Variants in PTPDC1 observed in about 807,000 individuals in gnomAD.
The protein encoded by PTPDC1 is protein tyrosine phosphatase domain containing 1, also known as protein tyrosine phosphatase domain-containing protein 1.
A neutral mutation model predicts 75.3 loss-of-function variants in PTPDC1; 53 were observed. That is an observed-to-expected ratio of 0.70 (90% CI 0.56 to 0.88). The LOEUF is 0.88. PTPDC1 is among the 40% of genes least tolerant of loss of function. The pLI is 0.00. For missense variants in PTPDC1, 925 were observed against 998.6 expected (o/e 0.93, Z 0.99); for synonymous variants, 349 against 366.2 (o/e 0.95, Z 0.54).
chr9:94,050,033 T>C (rs1008536973), intron 1 of PTPDC1, among the ~76,000 whole-genome samples: 2 of 152,212 alleles, frequency 1.3e-5, no homozygotes, highest in African/African-American at 4.8e-5. Context: ...GCATTTGTCA[T>C]GTAGTTCTCG....
At chr9:94,053,228 A>C (rs374261139) in intron 1 of PTPDC1, among the ~76,000 whole-genome samples, 1 of 152,084 alleles carries the variant, frequency 6.6e-6, no homozygotes, top group African/African-American at 2.4e-5. Context: ...AAACTACCAG[A>C]TATAACACAT....
intron 4 of PTPDC1, among the ~76,000 whole-genome samples, chr9:94,094,672 C>G (rs1019828047): frequency 5.9e-5 from 9 of 152,244 alleles, no homozygotes; most frequent in Non-Finnish European, 1.2e-4. Context: ...ACCCCTCCCC[C>G]AGCCTTGCTG....
Position 94,108,117 on chromosome 9 carries a change from A to G in PTPDC1, c.*173A>G. ...TTGAACCAATTATTTATTTTAAAAT[A>G]TATTTAAGCTACATTTTTGTTTTGA... On this transcript the variant is annotated 3_prime_UTR_variant, in exon 9 of 9. Coordinates refer to ENST00000620992, the MANE Select transcript of PTPDC1 (RefSeq NM_001253829.2). The G allele has an allele frequency of 2.6e-6, 1 of 384,710 alleles. No homozygotes were observed. The highest frequency in any genetic ancestry group is 4.7e-6 in the Non-Finnish European group (1 of 214,458). The allele number at this position is 384,710 out of a possible 1,614,324, so 23.8% of individuals were successfully genotyped here. A position where few individuals can be genotyped will look rare whatever the true frequency, so the allele number is the denominator to read the frequency against.
At chr9:94,084,451 G>A (rs939710703), upstream of PTPDC1, 53 of 1,570,714 alleles carry the variant, frequency 3.4e-5, no homozygotes, top group Non-Finnish European at 4.3e-5. Flanking sequence ...ACGATGCAAT[G>A]CTCCCTGCTC....
chr9:94,069,968 G>T (rs1243843390), intron 2 of PTPDC1, among the ~76,000 whole-genome samples: 1 of 151,928 alleles, frequency 6.6e-6, no homozygotes, highest in Non-Finnish European at 1.5e-5. Context: ...GGGACTACAG[G>T]CGCCCGCCAC....
chr9:94,056,944 A>C (rs1825958824), intron 1 of PTPDC1, among the ~76,000 whole-genome samples: 1 of 152,262 alleles, frequency 6.6e-6, no homozygotes, highest in African/African-American at 2.4e-5. Context: ...AACAGGAAAT[A>C]GAAATAAATA....
At position 94,097,609 on chromosome 9, in the gene PTPDC1, A is replaced by C; in HGVS notation, c.1043A>C (p.Lys348Thr). ...HVPKIIHLVC[K>T]LLLDLAENRP... is the part of the protein sequence containing the mutation. ...CCAAAAATTATCCACCTAGTTTGCA[A>C]ATTGCTGCTGGACTTAGCGGAGAAC... The change falls in exon 6 of 9, where the codon AAA becomes ACA. Residue 348 changes from lysine to threonine, a missense_variant. By Grantham distance (78) the Lys-to-Thr change is moderately conservative (BLOSUM62 -1). Coordinates refer to ENST00000620992, the MANE Select transcript of PTPDC1 (RefSeq NM_001253829.2). 4.3e-6 allele frequency: 7 copies of C among 1,613,982 alleles called. No individual in the cohort carries two copies. Among genetic ancestry groups the C allele is most frequent in the South Asian group, 1.1e-5 (1 of 91,084 alleles).
chr9:94,040,027 A>T (rs1010467326), intron 1 of PTPDC1, among the ~76,000 whole-genome samples: 2 of 152,202 alleles, frequency 1.3e-5, no homozygotes, highest in African/African-American at 4.8e-5. Context: ...TGAACAAAGG[A>T]GGTACTTATA....
At chr9:94,099,404 T>A (rs1827753837) in intron 6 of PTPDC1, among the ~76,000 whole-genome samples, 1 of 152,190 alleles carries the variant, frequency 6.6e-6, no homozygotes, top group Non-Finnish European at 1.5e-5. Flanking sequence ...TTTGAGCCCA[T>A]AACCTACTGT....
At chr9:94,033,637 G>A (rs925697572) in intron 1 of PTPDC1, among the ~76,000 whole-genome samples, 2 of 152,156 alleles carry the variant, frequency 1.3e-5, no homozygotes, top group Non-Finnish European at 2.9e-5. Context: ...CATGTGTAAA[G>A]CCCTAGTAGA....
chr9:94,038,425 A>G (rs1825338727), intron 1 of PTPDC1: 1 of 344,882 alleles, frequency 2.9e-6, no homozygotes, highest in African/African-American at 2.2e-5. Flanking sequence ...CTCATACACC[A>G]GAATTCAGAT....
chr9:94,062,561 A>C (rs896667482), intron 1 of PTPDC1, among the ~76,000 whole-genome samples: 1 of 152,264 alleles, frequency 6.6e-6, no homozygotes, highest in African/African-American at 2.4e-5. Flanking sequence ...TGCAGGAAGC[A>C]TGGCAGCATC....
At chr9:94,066,023 G>A (rs1314596657) in intron 2 of PTPDC1, among the ~76,000 whole-genome samples, 1 of 152,032 alleles carries the variant, frequency 6.6e-6, no homozygotes, top group African/African-American at 2.4e-5. Context: ...TTTCTCAATG[G>A]CAATTCTGTT....
chr9:94,108,331 T>C lies in PTPDC1; in HGVS notation c.*387T>C, dbSNP rs1828093618. ...CTTCCTAGAGTTTTTACCAAATAGC[T>C]AACTTTAGTAGTAAAACCTCATTGT... On this transcript the variant is annotated 3_prime_UTR_variant, in exon 9 of 9. Coordinates refer to ENST00000620992, the MANE Select transcript of PTPDC1 (RefSeq NM_001253829.2). The C allele has an allele frequency of 3.3e-5, 5 of 153,608 alleles. No individual in the cohort carries two copies. Among genetic ancestry groups the C allele is most frequent in the African/African-American group, 1.2e-4 (5 of 41,512 alleles). 9.5% of individuals were successfully genotyped at this position (153,608 alleles called of 1,614,324 possible). A position where few individuals can be genotyped will look rare whatever the true frequency, so the allele number is the denominator to read the frequency against.
intron 8 of PTPDC1, among the ~76,000 whole-genome samples, chr9:94,105,541 G>A (rs980512018): frequency 6.6e-5 from 10 of 151,898 alleles, no homozygotes; most frequent in Middle Eastern, 3.4e-3. Flanking sequence ...GGTGGTGTGC[G>A]CCTGCAGTCC....
chr9:94,037,788 A>G (rs987267331), intron 1 of PTPDC1, among the ~76,000 whole-genome samples: 2 of 151,978 alleles, frequency 1.3e-5, no homozygotes, highest in East Asian at 3.9e-4. Context: ...CGAGGGTTCT[A>G]TTGGGGAAGT....
upstream of PTPDC1, among the ~76,000 whole-genome samples, chr9:94,082,313 AT>A (rs1826910448): frequency 6.6e-6 from 1 of 152,232 alleles, no homozygotes; most frequent in Non-Finnish European, 1.5e-5. Flanking sequence ...CACCCACTGC[AT>A]TCTCAGCCTA....
intron 1 of PTPDC1, chr9:94,038,088 C>T: frequency 3.7e-6 from 2 of 547,578 alleles, no homozygotes; most frequent in Admixed American, 2.1e-5. Context: ...CAGTGACACA[C>T]CGTGGAAAAG....
At chr9:94,081,170 A>G (rs1007226573), upstream of PTPDC1, among the ~76,000 whole-genome samples, 2 of 151,808 alleles carry the variant, frequency 1.3e-5, no homozygotes, top group African/African-American at 2.4e-5. Flanking sequence ...TTGTATTTTT[A>G]GTAGAGACTG....
Sources: allele counts gnomAD v4.1 joint callset (sites outside exome capture counted in the v4.1 genomes callset), GRCh38; gene constraint gnomAD v4.1.1; transcripts MANE v1.5; gene names NCBI Gene and HGNC (gene_info 2026-07-23, HGNC 2026-07-21).